Variants in MRPS6 observed in about 807,000 individuals in gnomAD.
MRPS6 encodes small ribosomal subunit protein bS6m.
A neutral mutation model predicts 13.1 loss-of-function variants in MRPS6; 6 were observed. The ratio of observed to expected loss-of-function variants is 0.46; its 90% CI spans 0.25 to 0.91. The LOEUF (loss-of-function observed/expected upper bound fraction) is 0.91. Among genes scored for constraint, MRPS6 ranks in the 40% least tolerant of loss-of-function variants. MRPS6 has a pLI of 0.18. For synonymous variants in MRPS6, 61 were observed against 56.5 expected, an observed-to-expected ratio of 1.08 and a Z score of -0.36; for missense variants, 164 against 155.6, an observed-to-expected ratio of 1.05 and a Z score of -0.29.
chr21:34,081,216 G>A (rs1479996422), intron 1 of MRPS6, among the ~76,000 whole-genome samples: 1 of 152,046 alleles, frequency 6.6e-6, no homozygotes, highest in Admixed American at 6.5e-5. Context: ...ACTGGAAATT[G>A]TAGATAATGC....
chr21:34,103,593 T>C, intron 1 of MRPS6: 2 of 1,000,200 alleles, frequency 2.0e-6, no homozygotes, highest in Admixed American at 6.2e-5. Context: ...GTTCACACAT[T>C]AGTGTACCCA....
intron 1 of MRPS6, among the ~76,000 whole-genome samples, chr21:34,094,041 C>T (rs536696065): frequency 5.9e-5 from 9 of 152,278 alleles, no homozygotes; most frequent in African/African-American, 1.4e-4. Flanking sequence ...TAGTCAGTGC[C>T]GTTATCCTCT....
rs532909385 is a variant in MRPS6, at chr21:34,129,639, G to A, written c.185+4159G>A. Among the ~76,000 whole-genome samples the A allele has an allele frequency of 3.3e-5, 5 of 152,216 alleles. No individual in the cohort carries two copies. The South Asian group carries it at 6.2e-4, about 19-fold the overall frequency. ...TGAATCAGTGGAATTTTACTGACTC[G>A]CTTCCCAAATGTGTCTGCAGCTTAC... On this transcript the variant is annotated intron_variant, in intron 2 of 2. Transcript: ENST00000399312.
intron 1 of MRPS6, among the ~76,000 whole-genome samples, chr21:34,110,789 CAT>C (rs1979666014): frequency 6.6e-6 from 1 of 152,278 alleles, no homozygotes; most frequent in African/African-American, 2.4e-5. Context: ...TTAAAGACAA[CAT>C]AGTTACTAAT....
intron 2 of MRPS6, chr21:34,135,381 G>C (rs997401156): frequency 1.1e-5 from 2 of 182,444 alleles, no homozygotes; most frequent in African/African-American, 5.0e-5. Context: ...TTGTGGTGGC[G>C]TGGGGTTACC....
At chr21:34,091,505 A>G (rs1978691188) in intron 1 of MRPS6, among the ~76,000 whole-genome samples, 1 of 152,210 alleles carries the variant, frequency 6.6e-6, no homozygotes, top group Admixed American at 6.5e-5. Context: ...CATTTTGGTT[A>G]ACATGGTTAT....
At chr21:34,136,658 A>T (rs1980716065) in intron 2 of MRPS6, among the ~76,000 whole-genome samples, 1 of 152,188 alleles carries the variant, frequency 6.6e-6, no homozygotes, top group South Asian at 2.1e-4. Flanking sequence ...AAGTTTTTTT[A>T]AATTAAGTTT....
At chr21:34,083,500 G>C (rs552619009) in intron 1 of MRPS6, among the ~76,000 whole-genome samples, 50 of 152,250 alleles carry the variant, frequency 3.3e-4, no homozygotes, top group African/African-American at 1.1e-3. Flanking sequence ...TGTAGGAAAG[G>C]TGTATGGTAC....
chr21:34,078,319 A>G (rs1194134687), intron 1 of MRPS6, among the ~76,000 whole-genome samples: 12 of 152,168 alleles, frequency 7.9e-5, no homozygotes. Flanking sequence ...CTTGGGTTAC[A>G]GCTTATTGCC....
At chr21:34,130,227 A>C (rs1472033259) in intron 2 of MRPS6, among the ~76,000 whole-genome samples, 2 of 152,254 alleles carry the variant, frequency 1.3e-5, no homozygotes, top group African/African-American at 2.4e-5. Context: ...CTCAAATTCA[A>C]GCAAGCTCTT....
chr21:34,080,142 A>G (rs542708633), intron 1 of MRPS6, among the ~76,000 whole-genome samples: 1 of 152,322 alleles, frequency 6.6e-6, no homozygotes, highest in Non-Finnish European at 1.5e-5. Flanking sequence ...CTTGTAGTGC[A>G]AATATATGTC....
At chr21:34,088,372 C>T (rs1192082090) in intron 1 of MRPS6, among the ~76,000 whole-genome samples, 1 of 111,334 alleles carries the variant, frequency 9.0e-6, no homozygotes, top group Non-Finnish European at 1.8e-5. Context: ...CCCATCAGGG[C>T]TTTGCTGTAT....
At chr21:34,118,403 T>C (rs1347520808) in intron 1 of MRPS6, among the ~76,000 whole-genome samples, 3 of 152,204 alleles carry the variant, frequency 2.0e-5, no homozygotes, top group East Asian at 3.9e-4. Flanking sequence ...TTGAATAAAA[T>C]TCGCTTGTAA....
At chr21:34,099,761 C>G (rs1979150239) in intron 1 of MRPS6, 1 of 953,462 alleles carries the variant, frequency 1.0e-6, no homozygotes, top group Non-Finnish European at 1.3e-6. Context: ...GTACTAAAGT[C>G]TGTAAATAAG....
intron 1 of MRPS6, among the ~76,000 whole-genome samples, chr21:34,114,583 C>T (rs989007156): frequency 6.6e-6 from 1 of 152,144 alleles, no homozygotes; most frequent in Admixed American, 6.6e-5. Context: ...ATTTTTAAAG[C>T]TCCCAGGTGA....
intron 1 of MRPS6, among the ~76,000 whole-genome samples, chr21:34,094,337 G>C (rs1978861788): frequency 6.6e-6 from 1 of 151,882 alleles, no homozygotes; most frequent in South Asian, 2.1e-4. Context: ...GCAGTACTTG[G>C]TTTTCTGTAT....
At chr21:34,100,646 C>A in intron 1 of MRPS6, 3 of 1,000,202 alleles carry the variant, frequency 3.0e-6, no homozygotes, top group South Asian at 9.4e-5. Context: ...CTCTGTGAAA[C>A]TTCACATTTT....
chr21:34,085,274 T>C (rs2148655021), intron 1 of MRPS6, among the ~76,000 whole-genome samples: 1 of 152,310 alleles, frequency 6.6e-6, no homozygotes, highest in South Asian at 2.1e-4. Context: ...TGCGTTTTCA[T>C]GATTAGAGTT....
chr21:34,103,732 C>G (rs1399461812), intron 1 of MRPS6: 6 of 999,830 alleles, frequency 6.0e-6, no homozygotes, highest in Non-Finnish European at 7.2e-6. Context: ...AATGCGGTAT[C>G]TAAACTGGTC....
Sources: gnomAD v4.1 joint callset for allele counts (sites outside exome capture counted in the v4.1 genomes callset) on GRCh38, gnomAD v4.1.1 for gene constraint, MANE v1.5 for transcripts, NCBI Gene and HGNC (gene_info 2026-07-23, HGNC 2026-07-21) for gene names.